Variants in REV3L observed in about 807,000 individuals in gnomAD.
The protein encoded by REV3L is DNA polymerase zeta catalytic subunit.
In REV3L, 69 loss-of-function variants were observed where a neutral mutation model predicts 299.4. The ratio of observed to expected loss-of-function variants is 0.23; its 90% CI spans 0.19 to 0.28. REV3L has a LOEUF of 0.28. Ranked by LOEUF, REV3L falls within the 10% of genes least tolerant of loss-of-function variation. The probability of loss-of-function intolerance (pLI) is 1.00; values close to 1 mark genes in which losing one functional copy is unlikely to be tolerated. For synonymous variants in REV3L, 1,238 were observed against 1,271.4 expected (o/e 0.97, Z 0.56); for missense variants, 3,128 against 3,693.8 (o/e 0.85, Z 3.97).
intron 18 of REV3L, among the ~76,000 whole-genome samples, chr6:111,352,303 T>C (rs1033752440): frequency 6.6e-6 from 1 of 152,150 alleles, no homozygotes; most frequent in African/African-American, 2.4e-5. Flanking sequence ...GACGCTATTT[T>C]TGTAAAGTAA....
chr6:111,444,646 T>C (rs1354925744), intron 1 of REV3L, among the ~76,000 whole-genome samples: 2 of 152,102 alleles, frequency 1.3e-5, no homozygotes, highest in African/African-American at 2.4e-5. Flanking sequence ...AACCTTTAGG[T>C]TTTACGTTCT....
intron 3 of REV3L, among the ~76,000 whole-genome samples, chr6:111,407,728 G>A (rs557604851): frequency 1.3e-5 from 2 of 151,906 alleles, no homozygotes; most frequent in South Asian, 4.2e-4. Context: ...TGAGGTCAGG[G>A]GTTCTAGACC....
At chr6:111,415,433 G>C (rs1344680257) in intron 2 of REV3L, among the ~76,000 whole-genome samples, 1 of 152,154 alleles carries the variant, frequency 6.6e-6, no homozygotes, top group Non-Finnish European at 1.5e-5. Flanking sequence ...CATGTGGAGT[G>C]ACAGACTGGA....
At chr6:111,403,749 T>C (rs1015090242) in intron 4 of REV3L, among the ~76,000 whole-genome samples, 13 of 152,338 alleles carry the variant, frequency 8.5e-5, no homozygotes, top group Admixed American at 8.5e-4. Flanking sequence ...AAGAGTCACA[T>C]GTCTCTCACT....
intron 23 of REV3L, 120 bp from the exon 24 acceptor site, chr6:111,331,904 T>C (rs1775421202): frequency 9.0e-6 from 6 of 663,604 alleles, no homozygotes; most frequent in Non-Finnish European, 1.3e-5. Flanking sequence ...TAAACAAGAA[T>C]TCATGTACTT....
chr6:111,387,457 A>T (rs536356070), intron 9 of REV3L, among the ~76,000 whole-genome samples: 32 of 152,358 alleles, frequency 2.1e-4, no homozygotes. Flanking sequence ...TGAAAAAAGC[A>T]AGTTGCTTCA....
Position 111,483,030 on chromosome 6 carries a change from G to T in REV3L, c.-142C>A. The T allele has an allele frequency of 1.9e-6, 2 of 1,073,728 alleles. No homozygotes were observed. Among genetic ancestry groups the T allele is most frequent in the Non-Finnish European group, 1.2e-6 (1 of 813,538 alleles). The allele number at this position is 1,073,728 out of a possible 1,614,324, so 66.5% of individuals were successfully genotyped here. A position where few individuals can be genotyped will look rare whatever the true frequency, so the allele number is the denominator to read the frequency against. ...TCCCCTCACACAGAGGCACCTCGAGGAGCGGCGGGCGGGGCGGTGTAGGCG... is the reference window on the plus strand; with the variant it reads ...TCCCCTCACACAGAGGCACCTCGAGTAGCGGCGGGCGGGGCGGTGTAGGCG... On this transcript the variant is annotated 5_prime_UTR_variant, in exon 1 of 32. Coordinates refer to ENST00000368802, the MANE Select transcript of REV3L (RefSeq NM_001372078.1).
At position 111,373,321 on chromosome 6, in the gene REV3L, T is replaced by C; in HGVS notation, c.5034A>G (p.Leu1678=). The change falls in exon 13 of 32, where the codon CTA becomes CTG. Residue 1678 remains leucine (L), a synonymous_variant. Transcript: ENST00000368802. ...GAAAAAGATCCTGAACAGCATCACT[T>C]AGGAACTTCTGAGGCAAATTCTGAT... The part of the protein sequence containing the change: ...PADQNLPQKF[L]SDAVQDLFPG... 1 of 1,613,992 alleles carries C rather than the reference T, an allele frequency of 6.2e-7. No homozygotes were observed. The highest frequency in any genetic ancestry group is 1.3e-5 in the African/African-American group (1 of 75,020).
At chr6:111,430,413 A>C in intron 1 of REV3L, 1 of 1,437,378 alleles carries the variant, frequency 7.0e-7, no homozygotes, top group Non-Finnish European at 9.8e-7. Context: ...AGAAAAACTA[A>C]AGGATATTTT....
At chr6:111,361,835 CCT>C (rs1454206417) in intron 16 of REV3L, among the ~76,000 whole-genome samples, 2 of 151,992 alleles carry the variant, frequency 1.3e-5, no homozygotes, top group Non-Finnish European at 2.9e-5. Flanking sequence ...TGGTTTATTC[CCT>C]GTTTCAACCA....
At chr6:111,472,250 GTCTT>G in intron 1 of REV3L, 1 of 487,870 alleles carries the variant, frequency 2.0e-6, no homozygotes, top group Non-Finnish European at 3.0e-6. Flanking sequence ...TATTTACAAA[GTCTT>G]TCATTTCACC....
intron 1 of REV3L, among the ~76,000 whole-genome samples, chr6:111,444,701 T>C (rs1419861484): frequency 6.6e-5 from 10 of 152,220 alleles, no homozygotes; most frequent in Non-Finnish European, 1.5e-4. Context: ...AACTTTTTGA[T>C]ACAGCCAAGA....
At chr6:111,460,519 G>A (rs1179221000) in intron 1 of REV3L, 2 of 151,676 alleles carry the variant, frequency 1.3e-5, no homozygotes, top group African/African-American at 4.8e-5. Context: ...GAAAAAAAAG[G>A]CAATCCAGAA....
chr6:111,320,366 A>C lies in REV3L; in HGVS notation c.8351+2203T>G, dbSNP rs187417469. 2.6e-4 allele frequency among the ~76,000 whole-genome samples: 40 copies of C among 152,320 alleles called. 1 individual carries two copies. The highest frequency in any genetic ancestry group is 9.4e-4 in the African/African-American group (39 of 41,586). ...CAGGCATGAGCCACTGCGCCCAGCC[A>C]GGAACTCTTTTTCACTCCACCAGGC... On this transcript the variant is annotated intron_variant, in intron 26 of 31. Coordinates refer to ENST00000368802, the MANE Select transcript of REV3L (RefSeq NM_001372078.1).
At chr6:111,476,578 T>C (rs1792968086) in intron 1 of REV3L, among the ~76,000 whole-genome samples, 1 of 152,194 alleles carries the variant, frequency 6.6e-6, no homozygotes, top group Non-Finnish European at 1.5e-5. Flanking sequence ...GAGTTTTAGA[T>C]AAGGGATGCT....
intron 1 of REV3L, among the ~76,000 whole-genome samples, chr6:111,461,190 G>A (rs1790731154): frequency 6.6e-6 from 1 of 152,088 alleles, no homozygotes; most frequent in African/African-American, 2.4e-5. Flanking sequence ...GCAGTTCCAT[G>A]TGTGTAATTG....
chr6:111,336,235 CAAACAATA>C (rs1775884184), intron 21 of REV3L, among the ~76,000 whole-genome samples: 1 of 151,738 alleles, frequency 6.6e-6, no homozygotes, highest in Admixed American at 6.6e-5. Context: ...CTTAAGAAAA[CAAACAATA>C]AAACCCTCAG....
At chr6:111,479,353 T>TA (rs527480875) in intron 1 of REV3L, among the ~76,000 whole-genome samples, 1 of 152,110 alleles carries the variant, frequency 6.6e-6, no homozygotes, top group East Asian at 1.9e-4. Context: ...AAAAACTAGT[T>TA]AAAAAAATGG....
chr6:111,390,188 TA>T lies in REV3L; in HGVS notation c.663-9del. On this transcript the variant is annotated splice_polypyrimidine_tract_variant and intron_variant, in intron 5 of 31. Transcript: ENST00000368802. ...CCTTCCAATATTAAAGAGCTGCAAT[TA>T]AAGGATATAAAAAACATAATAATTA... 1 of 1,513,568 alleles carries T rather than the reference TA, an allele frequency of 6.6e-7. No individual in the cohort carries two copies. Among genetic ancestry groups the T allele is most frequent in the Non-Finnish European group, 9.2e-7 (1 of 1,090,336 alleles). The allele number at this position is 1,513,568 out of a possible 1,614,324, so 93.8% of individuals were successfully genotyped here. A position where few individuals can be genotyped will look rare whatever the true frequency, so the allele number is the denominator to read the frequency against.
Sources: allele counts gnomAD v4.1 joint callset (sites outside exome capture counted in the v4.1 genomes callset), GRCh38; gene constraint gnomAD v4.1.1; transcripts MANE v1.5; gene names NCBI Gene and HGNC (gene_info 2026-07-23, HGNC 2026-07-21).